Variants in C1orf21 observed in about 807,000 individuals in gnomAD.
The protein encoded by C1orf21 is chromosome 1 open reading frame 21.
A neutral mutation model predicts 18.7 loss-of-function variants in C1orf21; 3 were observed. That is an observed-to-expected ratio of 0.16 (90% confidence interval 0.07 to 0.42). C1orf21 has a LOEUF of 0.42. Ranked by LOEUF, C1orf21 falls within the 10% of genes least tolerant of loss-of-function variation. C1orf21 has a pLI of 0.99. For synonymous variants in C1orf21, 41 were observed against 46.4 expected, an observed-to-expected ratio of 0.88 and a Z score of 0.47; for missense variants, 104 against 143.6, an observed-to-expected ratio of 0.72 and a Z score of 1.41.
intron 1 of C1orf21, among the ~76,000 whole-genome samples, chr1:184,437,197 AC>A (rs922883685): frequency 1.3e-5 from 2 of 151,766 alleles, no homozygotes; most frequent in African/African-American, 4.8e-5. Flanking sequence ...TCCCTCTCGT[AC>A]CCCCCTACAT....
chr1:184,522,758 G>T (rs1173746398), intron 3 of C1orf21, among the ~76,000 whole-genome samples: 2 of 152,150 alleles, frequency 1.3e-5, no homozygotes, highest in African/African-American at 4.8e-5. Flanking sequence ...CGCAATTTTG[G>T]CTCACTGCAG....
chr1:184,604,887 G>C (rs1371430240), intron 5 of C1orf21, among the ~76,000 whole-genome samples: 1 of 152,154 alleles, frequency 6.6e-6, no homozygotes, highest in African/African-American at 2.4e-5. Context: ...AATTCTTGAG[G>C]ATCTATCAGC....
At chr1:184,588,505 G>A (rs1659390316) in intron 3 of C1orf21, among the ~76,000 whole-genome samples, 1 of 152,136 alleles carries the variant, frequency 6.6e-6, no homozygotes, top group Non-Finnish European at 1.5e-5. Context: ...AACTGCTTGG[G>A]TTCAAATCCC....
Position 184,557,850 on chromosome 1 carries a change from A to C in C1orf21, c.190-32889A>C, listed in dbSNP as rs187442636. On this transcript the variant is annotated intron_variant, in intron 3 of 5. Transcript: ENST00000235307. ...ACCACCAACAACTCGTTGGCAGTACAACCAGATAATGTAGCTGATGGAGCC... is the reference window on the plus strand; with the variant it reads ...ACCACCAACAACTCGTTGGCAGTACCACCAGATAATGTAGCTGATGGAGCC... 7.2e-5 allele frequency among the ~76,000 whole-genome samples: 11 copies of C among 152,304 alleles called. No individual in the cohort carries two copies. The East Asian group carries it at 2.1e-3, about 29-fold the overall frequency.
intron 3 of C1orf21, among the ~76,000 whole-genome samples, chr1:184,520,157 A>G (rs1658285841): frequency 2.6e-5 from 4 of 152,232 alleles, no homozygotes; most frequent in Non-Finnish European, 4.4e-5. Context: ...TTTGAAAAGT[A>G]AAACAATTGA....
chr1:184,557,897 T>G (rs12084533), intron 3 of C1orf21, among the ~76,000 whole-genome samples: 6,767 of 152,172 alleles, frequency 0.044, 493 homozygotes, highest in African/African-American at 0.15. Context: ...ATAAAATCAC[T>G]GTGATTTGGG....
At chr1:184,419,986 C>T (rs2101966157) in intron 1 of C1orf21, among the ~76,000 whole-genome samples, 1 of 152,272 alleles carries the variant, frequency 6.6e-6, no homozygotes, top group East Asian at 1.9e-4. Flanking sequence ...TATAGGATCA[C>T]TGGCTGTGAC....
intron 1 of C1orf21, among the ~76,000 whole-genome samples, chr1:184,398,412 T>C (rs565877400): frequency 6.6e-6 from 1 of 152,298 alleles, no homozygotes; most frequent in Admixed American, 6.5e-5. Context: ...AGTCAGACTT[T>C]TAATTGTCAA....
intron 1 of C1orf21, among the ~76,000 whole-genome samples, chr1:184,423,130 G>T (rs1157178705): frequency 3.3e-5 from 5 of 152,164 alleles, no homozygotes; most frequent in Non-Finnish European, 5.9e-5. Context: ...TTAACAGAAT[G>T]CCTGGTTTAT....
At chr1:184,389,716 C>T (rs1009325464) in intron 1 of C1orf21, among the ~76,000 whole-genome samples, 1 of 152,202 alleles carries the variant, frequency 6.6e-6, no homozygotes, top group African/African-American at 2.4e-5. Flanking sequence ...TTCTGAGTGG[C>T]TTGCTCCAGG....
intron 3 of C1orf21, among the ~76,000 whole-genome samples, chr1:184,586,878 G>T (rs1211838730): frequency 6.6e-6 from 1 of 152,084 alleles, no homozygotes; most frequent in Non-Finnish European, 1.5e-5. Context: ...CCAAAATGCT[G>T]TTGCCTAGGT....
At chr1:184,520,253 C>T (rs1374401556) in intron 3 of C1orf21, among the ~76,000 whole-genome samples, 1 of 152,174 alleles carries the variant, frequency 6.6e-6, no homozygotes, top group Non-Finnish European at 1.5e-5. Context: ...TACAGAGTCT[C>T]ATTTACTGGC....
intron 1 of C1orf21, among the ~76,000 whole-genome samples, chr1:184,415,428 G>C (rs1656434089): frequency 1.3e-5 from 2 of 152,138 alleles, no homozygotes; most frequent in African/African-American, 4.8e-5. Flanking sequence ...CAGATAATCT[G>C]TTCAGTAGGT....
chr1:184,443,935 C>T (rs546564967), intron 1 of C1orf21, among the ~76,000 whole-genome samples: 93 of 152,280 alleles, frequency 6.1e-4, no homozygotes, highest in Middle Eastern at 6.8e-3. Flanking sequence ...CAGTGTTTTC[C>T]ATAGCGACCA....
intron 2 of C1orf21, among the ~76,000 whole-genome samples, chr1:184,505,306 AATATATAT>A (rs59445875): frequency 2.4e-4 from 16 of 66,776 alleles, no homozygotes; most frequent in Non-Finnish European, 3.0e-4. Context: ...TACATAAAGA[AATATATAT>A]ATATATATAT....
rs763329915 is a variant in C1orf21, at chr1:184,387,748, C to G, written c.-125+380C>G. On this transcript the variant is annotated intron_variant, in intron 1 of 5. Coordinates refer to ENST00000235307, the MANE Select transcript of C1orf21 (RefSeq NM_030806.4). This position sits in a 1 kb window ranked among gnomAD's most constrained non-coding sequence, Gnocchi z 5.6. ...CCCTGCCGCCCTCAGCCTTCCTGCTCTCCTCTAGCTTTGCATGTAGCCACC... is the reference window on the plus strand; with the variant it reads ...CCCTGCCGCCCTCAGCCTTCCTGCTGTCCTCTAGCTTTGCATGTAGCCACC... 6.6e-5 allele frequency among the ~76,000 whole-genome samples: 10 copies of G among 152,144 alleles called. No individual in the cohort carries two copies. Among genetic ancestry groups the G allele is most frequent in the Non-Finnish European group, 1.3e-4 (9 of 68,022 alleles).
At chr1:184,591,527 T>C (rs1334094730) in intron 4 of C1orf21, among the ~76,000 whole-genome samples, 1 of 152,026 alleles carries the variant, frequency 6.6e-6, no homozygotes, top group Non-Finnish European at 1.5e-5. Context: ...AAAATATAGG[T>C]CGGGCATGGT....
At chr1:184,409,993 A>G (rs1656307428) in intron 1 of C1orf21, among the ~76,000 whole-genome samples, 1 of 152,244 alleles carries the variant, frequency 6.6e-6, no homozygotes, top group South Asian at 2.1e-4. Context: ...TGCTCTGTGG[A>G]GAAGAAAGTC....
intron 3 of C1orf21, among the ~76,000 whole-genome samples, chr1:184,551,476 T>C (rs1329563884): frequency 1.3e-5 from 2 of 152,174 alleles, no homozygotes; most frequent in Non-Finnish European, 1.5e-5. Context: ...GGGACTGTCA[T>C]TGGGCTGGAC....
Sources: allele counts gnomAD v4.1 joint callset (sites outside exome capture counted in the v4.1 genomes callset), GRCh38; gene constraint gnomAD v4.1.1; non-coding constraint Gnocchi (gnomAD v3.1); transcripts MANE v1.5; gene names NCBI Gene and HGNC (gene_info 2026-07-23, HGNC 2026-07-21).